The following KCNC1 variants were observed in gnomAD, a reference collection of about 807,000 sequenced individuals.
KCNC1 encodes the protein potassium voltage-gated channel subfamily C member 1.
Under a neutral mutation model 43.4 loss-of-function variants are expected in KCNC1, and 8 were observed. The observed-to-expected ratio is 0.18, with a 90% CI of 0.11 to 0.33. KCNC1 has a LOEUF of 0.33. Ranked by LOEUF, KCNC1 falls within the 10% of genes least tolerant of loss-of-function variation. The pLI is 1.00. For missense variants in KCNC1, 420 were observed against 836.0 expected (o/e 0.50, Z 6.14); for synonymous variants, 361 against 360.5 (o/e 1.00, Z -0.01).
At position 17,739,591 on chromosome 11, in the gene KCNC1, G is replaced by A. The variant is rs995722738; in HGVS notation, c.570+3019G>A. Among the ~76,000 whole-genome samples the A allele has an allele frequency of 7.2e-5, 11 of 151,808 alleles. No individual in the cohort carries two copies. The highest frequency in any genetic ancestry group is 2.7e-4 in the African/African-American group (11 of 41,290). On this transcript the variant is annotated intron_variant, in intron 1 of 3. Coordinates refer to ENST00000265969, the MANE Select transcript of KCNC1 (RefSeq NM_001112741.2). The surrounding 1 kb of genome is among the most constrained non-coding windows in gnomAD (Gnocchi z 4.2). ...TGTGTGAGGTTTGGAGAGTGCGTGA[G>A]AGTCGAGGTGAGTGTGTCTGCGTGA...
chr11:17,775,153 C>G (rs1468102652), intron 2 of KCNC1: 7 of 985,462 alleles, frequency 7.1e-6, no homozygotes, highest in African/African-American at 1.7e-5. Flanking sequence ...ATGCAGCCCC[C>G]CAAGGCCTTT....
intron 1 of KCNC1, among the ~76,000 whole-genome samples, chr11:17,764,135 A>C (rs1247588944): frequency 1.2e-4 from 15 of 124,850 alleles, no homozygotes; most frequent in East Asian, 5.1e-4. Context: ...ACACACACAC[A>C]CCCCCCCACA....
At chr11:17,738,368 T>C (rs1476346314) in intron 1 of KCNC1, among the ~76,000 whole-genome samples, 1 of 143,872 alleles carries the variant, frequency 7.0e-6, no homozygotes, top group South Asian at 2.4e-4. Flanking sequence ...AACTAGTGCA[T>C]GTTGGGGTGG....
chr11:17,757,353 G>T (rs768176033), intron 1 of KCNC1, among the ~76,000 whole-genome samples: 1 of 152,200 alleles, frequency 6.6e-6, no homozygotes, highest in Non-Finnish European at 1.5e-5. Context: ...AGTCTTATCT[G>T]CAGGTATAGG....
At chr11:17,774,312 T>C (rs1380243441) in intron 2 of KCNC1, 1 of 985,512 alleles carries the variant, frequency 1.0e-6, no homozygotes, top group Non-Finnish European at 1.2e-6. Context: ...CATGTGGGCC[T>C]GGCAAGAAGA....
chr11:17,751,359 T>C (rs1294347519), intron 1 of KCNC1, among the ~76,000 whole-genome samples: 1 of 152,160 alleles, frequency 6.6e-6, no homozygotes, highest in Non-Finnish European at 1.5e-5. Flanking sequence ...ACATATGGAT[T>C]GAAGGAGACA....
chr11:17,769,456 A>G (rs1849196708), intron 1 of KCNC1, among the ~76,000 whole-genome samples: 2 of 151,960 alleles, frequency 1.3e-5, no homozygotes, highest in South Asian at 4.2e-4. Context: ...GGATGAGTGG[A>G]TGGATGGGTG....
At chr11:17,772,945 G>T (rs1022795593) in intron 2 of KCNC1, 61 of 1,173,344 alleles carry the variant, frequency 5.2e-5, no homozygotes, top group Non-Finnish European at 6.1e-5. Flanking sequence ...GTGAGTCTCT[G>T]ACTCAGGCTA....
intron 1 of KCNC1, among the ~76,000 whole-genome samples, chr11:17,769,987 C>T (rs1382554526): frequency 6.6e-6 from 1 of 152,232 alleles, no homozygotes; most frequent in African/African-American, 2.4e-5. Flanking sequence ...TTTGTCACTT[C>T]CCTTTGCTCC....
intron 2 of KCNC1, chr11:17,774,061 G>T (rs891986651): frequency 1.0e-6 from 1 of 985,382 alleles, no homozygotes; most frequent in Non-Finnish European, 1.2e-6. Flanking sequence ...GCTGGCCCGA[G>T]CACTACCCTC....
Position 17,779,434 on chromosome 11 carries a change from G to C in KCNC1, c.1505-22G>C. The stretch of plus-strand genomic sequence containing the variant: ...CTAAACAGTTTTCAGTGTCTCAATA[G>C]CTTCTGCTTATATGTTTGAAGATTC... On this transcript the variant is annotated intron_variant, in intron 2 of 3. Coordinates refer to ENST00000265969, the MANE Select transcript of KCNC1 (RefSeq NM_001112741.2). This position sits in a 1 kb window ranked among gnomAD's most constrained non-coding sequence, Gnocchi z 7.2. 1 of 1,501,904 alleles carries C rather than the reference G, an allele frequency of 6.7e-7. No individual in the cohort carries two copies. Among genetic ancestry groups the C allele is most frequent in the East Asian group, 2.6e-5 (1 of 38,954 alleles). 93.0% of individuals were successfully genotyped at this position (1,501,904 alleles called of 1,614,324 possible). A position where few individuals can be genotyped will look rare whatever the true frequency, so the allele number is the denominator to read the frequency against.
In KCNC1 at chr11:17,776,749, G is replaced by A; in HGVS notation, c.1505-2707G>A. ...TCATCCAAAGGATGGGGCAGGGGCGGGGGCTCACACCTTTGACCCTATTCA... is the reference window on the plus strand; with the variant it reads ...TCATCCAAAGGATGGGGCAGGGGCGAGGGCTCACACCTTTGACCCTATTCA... On this transcript the variant is annotated intron_variant, in intron 2 of 3. Transcript: ENST00000265969. This position sits in a 1 kb window ranked among gnomAD's most constrained non-coding sequence, Gnocchi z 4.4. 1 of 985,436 alleles carries A rather than the reference G, an allele frequency of 1.0e-6. No homozygotes were observed. The highest frequency in any genetic ancestry group is 1.2e-6 in the Non-Finnish European group (1 of 829,970). The allele number at this position is 985,436 out of a possible 1,614,324, so 61.0% of individuals were successfully genotyped here.
At chr11:17,753,481 C>T (rs1565157616) in intron 1 of KCNC1, among the ~76,000 whole-genome samples, 2 of 152,342 alleles carry the variant, frequency 1.3e-5, no homozygotes, top group Admixed American at 6.5e-5. Flanking sequence ...GGCCTCTGGC[C>T]GGCACTAGGC....
intron 2 of KCNC1, chr11:17,774,584 A>G: frequency 2.0e-6 from 2 of 985,286 alleles, no homozygotes; most frequent in African/African-American, 1.7e-5. Flanking sequence ...AGGACACAAA[A>G]CCTGTAAAAC....
At chr11:17,746,910 A>G (rs1848905471) in intron 1 of KCNC1, among the ~76,000 whole-genome samples, 1 of 152,140 alleles carries the variant, frequency 6.6e-6, no homozygotes, top group South Asian at 2.1e-4. Context: ...TATTGATAGC[A>G]CCTGATTCAT....
chr11:17,760,231 G>T (rs1432838900), intron 1 of KCNC1, among the ~76,000 whole-genome samples: 1 of 152,184 alleles, frequency 6.6e-6, no homozygotes, highest in African/African-American at 2.4e-5. Context: ...ATTTAGCCGA[G>T]CTCCCTGGCA....
At chr11:17,751,763 A>G (rs1238441400) in intron 1 of KCNC1, among the ~76,000 whole-genome samples, 1 of 152,222 alleles carries the variant, frequency 6.6e-6, no homozygotes, top group African/African-American at 2.4e-5. Context: ...GTGGTTTTCC[A>G]GACCTGCCTC....
At chr11:17,775,605 C>G in intron 2 of KCNC1, 1 of 985,586 alleles carries the variant, frequency 1.0e-6, no homozygotes, top group Non-Finnish European at 1.2e-6. Flanking sequence ...CATCTGCAGT[C>G]GGATGCCCAG....
At chr11:17,774,104 G>C (rs546146419) in intron 2 of KCNC1, 14 of 985,420 alleles carry the variant, frequency 1.4e-5, no homozygotes, top group Non-Finnish European at 1.7e-5. Flanking sequence ...GGGGTTTCCC[G>C]GTCCTTTCAC....
Sources: gnomAD v4.1 joint callset for allele counts (sites outside exome capture counted in the v4.1 genomes callset) on GRCh38, gnomAD v4.1.1 for gene constraint, Gnocchi (gnomAD v3.1) non-coding constraint, MANE v1.5 for transcripts, NCBI Gene and HGNC (gene_info 2026-07-23, HGNC 2026-07-21) for gene names.